The following KIAA1549 variants were observed in gnomAD, a reference collection of about 807,000 sequenced individuals.
The protein encoded by KIAA1549 is UPF0606 protein KIAA1549.
In KIAA1549, 70 loss-of-function variants were observed where a neutral mutation model predicts 156.4. The observed-to-expected ratio is 0.45, with a 90% confidence interval of 0.37 to 0.55. The LOEUF (loss-of-function observed/expected upper bound fraction) is 0.55, where lower values mean the gene tolerates loss of function less well. Among genes scored for constraint, KIAA1549 ranks in the 20% least tolerant of loss-of-function variants. The pLI is 0.00. For synonymous variants in KIAA1549, 1,103 were observed against 1,066.4 expected, an observed-to-expected ratio of 1.03 and a Z score of -0.67; for missense variants, 2,428 against 2,540.9, an observed-to-expected ratio of 0.96 and a Z score of 0.96.
In KIAA1549 at chr7:138,918,561, G is replaced by C; in HGVS notation, c.1065C>G (p.Ser355Arg). 1 of 1,614,072 alleles carries C rather than the reference G, an allele frequency of 6.2e-7. No individual in the cohort carries two copies. Among genetic ancestry groups the C allele is most frequent in the Non-Finnish European group, 8.5e-7 (1 of 1,179,902 alleles). The part of the protein sequence containing the change: ...VTASHAALAF[S>R]RTHSPLLSTP... Reference sequence around the variant, plus strand: ...TTGAAAGCAATGGAGAATGTGTCCTGCTGAATGCAAGGGCTGCGTGCGATG... The same window carrying C: ...TTGAAAGCAATGGAGAATGTGTCCTCCTGAATGCAAGGGCTGCGTGCGATG... The change falls in exon 2 of 20, where the codon AGC becomes AGG. Residue 355 changes from serine (S) to arginine (R), a missense_variant. Ser to Arg is a moderately radical substitution (Grantham distance 110, BLOSUM62 -1). Around this residue, in one of 5 missense-constraint regions of KIAA1549, gnomAD observed 893 missense variants for 847.9 expected, o/e 1.05. Transcript: ENST00000422774. The surrounding 1 kb of genome is among the most constrained non-coding windows in gnomAD (Gnocchi z 4.2).
At chr7:138,970,177 T>C (rs764632961) in intron 1 of KIAA1549, among the ~76,000 whole-genome samples, 1 of 152,202 alleles carries the variant, frequency 6.6e-6, no homozygotes, top group Non-Finnish European at 1.5e-5. Flanking sequence ...AGACGACAGT[T>C]TGTTTATTCA....
chr7:138,981,082 C>T lies in KIAA1549; in HGVS notation c.187+1G>A. On this transcript the variant is annotated splice_donor_variant, in intron 1 of 19. Coordinates refer to ENST00000422774, the MANE Select transcript of KIAA1549 (RefSeq NM_001164665.2). LOFTEE classifies it high-confidence loss of function. This position sits in a 1 kb window ranked among gnomAD's most constrained non-coding sequence, Gnocchi z 4.5. The stretch of plus-strand genomic sequence containing the variant: ...GTTCCGAGGGTCTCGGCGGAGCTTA[C>T]CTGGGGCGCACGAGGCCGGCCGGGC... 8.2e-7 allele frequency: 1 copy of T among 1,224,748 alleles called. No individual in the cohort carries two copies. Among genetic ancestry groups the T allele is most frequent in the Non-Finnish European group, 1.0e-6 (1 of 982,684 alleles). 75.9% of individuals were successfully genotyped at this position (1,224,748 alleles called of 1,614,324 possible).
chr7:138,869,473 C>T, intron 14 of KIAA1549, 65 bp downstream of exon 14: 2 of 1,292,552 alleles, frequency 1.5e-6, no homozygotes, highest in Non-Finnish European at 2.2e-6. Flanking sequence ...TCCTGTCCTG[C>T]TCCTGTGCCC....
At chr7:138,858,778 C>T (rs1214742420) in intron 16 of KIAA1549, among the ~76,000 whole-genome samples, 1 of 152,072 alleles carries the variant, frequency 6.6e-6, no homozygotes. Context: ...GAGGCCGAGG[C>T]AGGCAGATCA....
In KIAA1549 at chr7:138,917,504, T is replaced by C. The variant is rs1308287799; in HGVS notation, c.2122A>G (p.Met708Val). ...PSSELPLNTI[M>V]LLPSRSEVSP... ...ACCTCAGAACGGCTAGGTAGCAACA[T>C]GATGGTGTTTAAAGGCAGCTCGGAA... is the stretch of plus-strand genomic sequence containing the variant. Residue 708 changes from methionine to valine, a missense_variant, in exon 2 of 20, where the codon ATG (methionine) becomes GTG (valine). Transcript: ENST00000422774. 24 of 1,613,568 alleles carry C rather than the reference T, an allele frequency of 1.5e-5. No individual in the cohort carries two copies. Among genetic ancestry groups the C allele is most frequent in the Non-Finnish European group, 2.0e-5 (24 of 1,179,854 alleles).
At chr7:138,937,829 T>TA (rs1159756648) in intron 1 of KIAA1549, among the ~76,000 whole-genome samples, 1 of 152,012 alleles carries the variant, frequency 6.6e-6, no homozygotes, top group Non-Finnish European at 1.5e-5. Context: ...GGGCCAATGA[T>TA]AGAGATTGGT....
At chr7:138,865,237 A>C (rs1047237741) in intron 15 of KIAA1549, among the ~76,000 whole-genome samples, 1 of 152,050 alleles carries the variant, frequency 6.6e-6, no homozygotes, top group African/African-American at 2.4e-5. Flanking sequence ...AAAAAAAAAA[A>C]GTTACTTACA....
intron 17 of KIAA1549, among the ~76,000 whole-genome samples, chr7:138,849,608 T>C (rs1473076007): frequency 6.6e-6 from 1 of 152,060 alleles, no homozygotes; most frequent in Non-Finnish European, 1.5e-5. Context: ...AGGTTTGTTA[T>C]ATAGGTAAAC....
rs1469814364 is a variant in KIAA1549 at position 138,946,794 on chromosome 7, C to A, written c.188-27356G>T. Among the ~76,000 whole-genome samples the A allele has an allele frequency of 2.0e-5, 3 of 152,066 alleles. No homozygotes were observed. The East Asian group carries it at 5.8e-4, about 29-fold the overall frequency. On this transcript the variant is annotated intron_variant, in intron 1 of 19. Transcript: ENST00000422774. Reference sequence around the variant, plus strand: ...CTAGAGACCCCCAGTTTTTTGGAATCCCTGACTCCACCCCGTCTGTAATGC... The same window carrying A: ...CTAGAGACCCCCAGTTTTTTGGAATACCTGACTCCACCCCGTCTGTAATGC...
chr7:138,911,764 C>T (rs1812176298), intron 3 of KIAA1549, among the ~76,000 whole-genome samples: 1 of 152,158 alleles, frequency 6.6e-6, no homozygotes, highest in Admixed American at 6.5e-5. Flanking sequence ...CAATACAAAA[C>T]ACTATTAATG....
chr7:138,961,263 A>T (rs1322650922), intron 1 of KIAA1549, among the ~76,000 whole-genome samples: 1 of 152,230 alleles, frequency 6.6e-6, no homozygotes, highest in Non-Finnish European at 1.5e-5. Flanking sequence ...AGTACATAGG[A>T]GGGCTCCATG....
intron 1 of KIAA1549, among the ~76,000 whole-genome samples, chr7:138,964,843 T>C (rs1320193728): frequency 6.6e-6 from 1 of 152,194 alleles, no homozygotes; most frequent in Non-Finnish European, 1.5e-5. Flanking sequence ...ATTTAATATG[T>C]GCATACTGCC....
chr7:138,956,459 T>C (rs1039029452), intron 1 of KIAA1549, among the ~76,000 whole-genome samples: 9 of 152,174 alleles, frequency 5.9e-5, no homozygotes, highest in Admixed American at 5.2e-4. Context: ...ATAATTCCCA[T>C]GTGTTGTGGG....
At chr7:138,969,971 AAAC>A (rs1297417658) in intron 1 of KIAA1549, among the ~76,000 whole-genome samples, 4 of 152,216 alleles carry the variant, frequency 2.6e-5, no homozygotes, top group African/African-American at 9.6e-5. Flanking sequence ...TTTGTGTTAC[AAAC>A]AATCCAATTA....
In KIAA1549 at chr7:138,869,670, G is replaced by A. The variant is rs1360936835; in HGVS notation, c.4643C>T (p.Pro1548Leu). ...GCCCGAGGACAGGTCGTCTACCACC[G>A]GGAACTCGTAGTGCCCGCGGCGCTT... Reference protein sequence around the residue: ...RAKRRGHYEFPVVDDLSSGDT... With the variant: ...RAKRRGHYEFLVVDDLSSGDT... The change falls in exon 14 of 20, where the codon CCG becomes CTG. Residue 1548 changes from proline to leucine, a missense_variant. This residue lies in a region of KIAA1549 where 404 missense variants were observed against 417.0 expected (regional missense o/e 0.97). Coordinates refer to ENST00000422774, the MANE Select transcript of KIAA1549 (RefSeq NM_001164665.2). 15 of 1,612,180 alleles carry A rather than the reference G, an allele frequency of 9.3e-6. No homozygotes were observed. The highest frequency in any genetic ancestry group is 1.3e-5 in the African/African-American group (1 of 74,898).
chr7:138,917,685 A>G lies in KIAA1549; in HGVS notation c.1941T>C (p.Ser647=). 1.2e-6 allele frequency: 2 copies of G among 1,610,210 alleles called. No homozygotes were observed. Among genetic ancestry groups the G allele is most frequent in the Non-Finnish European group, 1.7e-6 (2 of 1,177,956 alleles). The change falls in exon 2 of 20, where the codon TCT becomes TCC. Residue 647 remains serine (S), a synonymous_variant. Transcript: ENST00000422774. Reference sequence around the variant, plus strand: ...ACAAGTCACTCGGCATCAGAGACAGAGACGCAGGTGCTTCCGAAGGCGAAG... The same window carrying G: ...ACAAGTCACTCGGCATCAGAGACAGGGACGCAGGTGCTTCCGAAGGCGAAG... ...SISSPSEAPA[S]LSLMPSDLSP... is the part of the protein sequence containing the mutation.
intron 1 of KIAA1549, among the ~76,000 whole-genome samples, chr7:138,934,022 A>G (rs139617359): frequency 1.3e-5 from 2 of 152,254 alleles, no homozygotes; most frequent in Non-Finnish European, 2.9e-5. Context: ...AAAATAACTC[A>G]GGTTCTCATC....
At chr7:138,848,992 A>G (rs1810161300) in intron 17 of KIAA1549, among the ~76,000 whole-genome samples, 1 of 152,166 alleles carries the variant, frequency 6.6e-6, no homozygotes, top group African/African-American at 2.4e-5. Flanking sequence ...CTCAGCCTCC[A>G]GAGTAGCTGG....
chr7:138,856,418 G>A (rs897520218), intron 16 of KIAA1549, among the ~76,000 whole-genome samples: 3 of 152,158 alleles, frequency 2.0e-5, no homozygotes, highest in Non-Finnish European at 2.9e-5. Flanking sequence ...CATTAAACAC[G>A]TTGAAGGCTC....
Sources: gnomAD v4.1 joint callset for allele counts (sites outside exome capture counted in the v4.1 genomes callset) on GRCh38, gnomAD v4.1.1 for gene constraint, gnomAD v4.1.1 regional missense constraint, Gnocchi (gnomAD v3.1) non-coding constraint, MANE v1.5 for transcripts, NCBI Gene and HGNC (gene_info 2026-07-23, HGNC 2026-07-21) for gene names.